The following PPP2R5A variants were observed in gnomAD, a reference collection of about 807,000 sequenced individuals.
PPP2R5A encodes serine/threonine-protein phosphatase 2A 56 kDa regulatory subunit alpha isoform.
PPP2R5A carries 25 observed loss-of-function variants against 64.2 expected under a neutral mutation model. That is an observed-to-expected ratio of 0.39 (90% CI 0.28 to 0.54). The LOEUF is 0.54. Ranked by LOEUF, PPP2R5A falls within the 20% of genes least tolerant of loss-of-function variation. PPP2R5A has a pLI of 0.67. For synonymous variants in PPP2R5A, 198 were observed against 201.2 expected (o/e 0.98, Z 0.13); for missense variants, 425 against 576.3 (o/e 0.74, Z 2.69).
At chr1:212,321,680 CAG>C (rs1180323169) in intron 1 of PPP2R5A, among the ~76,000 whole-genome samples, 2 of 146,374 alleles carry the variant, frequency 1.4e-5, no homozygotes, top group East Asian at 3.9e-4. Context: ...GGCGGCCGGG[CAG>C]AGACACTCCT....
At chr1:212,321,055 C>G (rs1310714323) in intron 1 of PPP2R5A, among the ~76,000 whole-genome samples, 1 of 85,808 alleles carries the variant, frequency 1.2e-5, no homozygotes, top group Non-Finnish European at 2.3e-5. Flanking sequence ...GGCGGCTGGC[C>G]GGGCGGGGGG....
chr1:212,323,169 T>C (rs1293760713), intron 1 of PPP2R5A, among the ~76,000 whole-genome samples: 2 of 152,238 alleles, frequency 1.3e-5, no homozygotes, highest in Non-Finnish European at 2.9e-5. Flanking sequence ...GTGTGGAGAA[T>C]AGTCAGTATA....
At chr1:212,357,756 T>C (rs1213286887) in intron 11 of PPP2R5A, among the ~76,000 whole-genome samples, 2 of 148,230 alleles carry the variant, frequency 1.3e-5, no homozygotes, top group African/African-American at 2.5e-5. Context: ...TGAGCCAAGA[T>C]TGTGCCACCG....
At chr1:212,310,292 G>GTT (rs34643638) in intron 1 of PPP2R5A, among the ~76,000 whole-genome samples, 38 of 145,862 alleles carry the variant, frequency 2.6e-4, no homozygotes, top group Middle Eastern at 3.6e-3. Context: ...ACACTGCTGG[G>GTT]TTTTTTTTTT....
intron 1 of PPP2R5A, among the ~76,000 whole-genome samples, chr1:212,324,683 C>A (rs546644205): frequency 6.6e-6 from 1 of 151,820 alleles, no homozygotes; most frequent in African/African-American, 2.4e-5. Context: ...GGGCTCACTG[C>A]AAGCTCTGCC....
intron 1 of PPP2R5A, among the ~76,000 whole-genome samples, chr1:212,308,728 G>A (rs11119908): frequency 0.15 from 23,456 of 151,958 alleles, 2,501 homozygotes; most frequent in East Asian, 0.36. Flanking sequence ...TACACTTAAT[G>A]GTGTCCTATA....
intron 8 of PPP2R5A, among the ~76,000 whole-genome samples, chr1:212,352,563 C>T (rs1163561854): frequency 3.3e-5 from 5 of 151,984 alleles, no homozygotes; most frequent in Admixed American, 3.3e-4. Flanking sequence ...GATCCTCCTG[C>T]CTTAGCCTCC....
At chr1:212,345,555 A>G (rs1170500501) in intron 4 of PPP2R5A, among the ~76,000 whole-genome samples, 1 of 152,194 alleles carries the variant, frequency 6.6e-6, no homozygotes, top group East Asian at 1.9e-4. Flanking sequence ...TGGGAAGGTA[A>G]AGAAAAATCC....
intron 1 of PPP2R5A, among the ~76,000 whole-genome samples, chr1:212,321,845 G>GGT (rs1202150706): frequency 6.6e-6 from 1 of 150,894 alleles, no homozygotes; most frequent in Non-Finnish European, 1.5e-5. Context: ...GCAGCTGGGA[G>GGT]GTGGAGGTTG....
Position 212,285,880 on chromosome 1 carries a change from G to T in PPP2R5A, c.-231G>T, listed in dbSNP as rs113855973. 16 of 400,768 alleles carry T rather than the reference G, an allele frequency of 4.0e-5. No individual in the cohort carries two copies. Among genetic ancestry groups the T allele is most frequent in the Non-Finnish European group, 7.0e-5 (16 of 229,800 alleles). 24.8% of individuals were successfully genotyped at this position (400,768 alleles called of 1,614,324 possible). On this transcript the variant is annotated 5_prime_UTR_variant, in exon 1 of 13. Coordinates refer to ENST00000261461, the MANE Select transcript of PPP2R5A (RefSeq NM_006243.4). ...CCCCGCCCTTCCCTCCGTCAGCCCCGGGAGCTCGCCGCGCGCCGGGGACCA... is the reference window on the plus strand; with the variant it reads ...CCCCGCCCTTCCCTCCGTCAGCCCCTGGAGCTCGCCGCGCGCCGGGGACCA...
In PPP2R5A at chr1:212,360,679, A is replaced by G. The variant is rs977317471; in HGVS notation, c.1370A>G (p.Lys457Arg). The G allele has an allele frequency of 6.3e-7, 1 of 1,593,448 alleles. No individual in the cohort carries two copies. Among genetic ancestry groups the G allele is most frequent in the Non-Finnish European group, 8.5e-7 (1 of 1,170,206 alleles). The change falls in exon 13 of 13, where the codon AAA (lysine) becomes AGA (arginine). Residue 457 changes from lysine to arginine, a missense_variant. Physicochemically the swap from Lys to Arg is conservative, Grantham distance 26. This residue lies in a region of PPP2R5A where 177 missense variants were observed against 244.8 expected (regional missense o/e 0.72). Transcript: ENST00000261461. ...KELEREELWK[K>R]LEELKLKKAL... ...TTGGAACGTGAAGAATTATGGAAAAAATTAGAGGAGCTAAAGCTAAAGAAA... is the reference window on the plus strand; with the variant it reads ...TTGGAACGTGAAGAATTATGGAAAAGATTAGAGGAGCTAAAGCTAAAGAAA...
intron 3 of PPP2R5A, among the ~76,000 whole-genome samples, chr1:212,336,966 C>T (rs1033947381): frequency 6.6e-6 from 1 of 152,062 alleles, no homozygotes; most frequent in Non-Finnish European, 1.5e-5. Context: ...GCCTTTGTTT[C>T]CCCACCCTTT....
At chr1:212,326,539 G>A (rs1345851757) in intron 1 of PPP2R5A, among the ~76,000 whole-genome samples, 1 of 152,206 alleles carries the variant, frequency 6.6e-6, no homozygotes, top group Non-Finnish European at 1.5e-5. Flanking sequence ...AGGGGTTGCA[G>A]TGAGCCAAGA....
intron 4 of PPP2R5A, among the ~76,000 whole-genome samples, chr1:212,343,233 G>A (rs911357930): frequency 6.6e-6 from 1 of 152,174 alleles, no homozygotes; most frequent in Non-Finnish European, 1.5e-5. Flanking sequence ...GATTACAGGT[G>A]TGAGCCACTG....
At chr1:212,344,782 T>C (rs1659744634) in intron 4 of PPP2R5A, among the ~76,000 whole-genome samples, 1 of 152,140 alleles carries the variant, frequency 6.6e-6, no homozygotes, top group Non-Finnish European at 1.5e-5. Flanking sequence ...TTGTGCAGAA[T>C]ATAGGAGTAC....
chr1:212,291,530 G>T (rs1658601896), intron 1 of PPP2R5A, among the ~76,000 whole-genome samples: 2 of 152,330 alleles, frequency 1.3e-5, no homozygotes, highest in African/African-American at 2.4e-5. Context: ...GCGCAGCCAG[G>T]ATTGAGAATC....
chr1:212,351,583 G>A (rs879283725), intron 8 of PPP2R5A, among the ~76,000 whole-genome samples: 13 of 151,952 alleles, frequency 8.6e-5, no homozygotes, highest in Admixed American at 2.0e-4. Context: ...GCGTGATGGC[G>A]GGCACCTGTA....
intron 6 of PPP2R5A, among the ~76,000 whole-genome samples, chr1:212,347,621 C>T (rs1322453294): frequency 6.6e-6 from 1 of 151,706 alleles, no homozygotes; most frequent in African/African-American, 2.4e-5. Flanking sequence ...CTCACTGCAA[C>T]CTCTGCCTCC....
At chr1:212,302,408 CAT>C (rs755132434) in intron 1 of PPP2R5A, among the ~76,000 whole-genome samples, 2 of 152,088 alleles carry the variant, frequency 1.3e-5, no homozygotes, top group African/African-American at 2.4e-5. Context: ...TTATAGGAAA[CAT>C]AAAGACAAAA....
Sources: gnomAD v4.1 joint callset for allele counts (sites outside exome capture counted in the v4.1 genomes callset) on GRCh38, gnomAD v4.1.1 for gene constraint, gnomAD v4.1.1 regional missense constraint, MANE v1.5 for transcripts, NCBI Gene and HGNC (gene_info 2026-07-23, HGNC 2026-07-21) for gene names.